Variants in CBFA2T3 observed in about 807,000 individuals in gnomAD.
CBFA2T3 encodes the protein CBFA2/RUNX1 partner transcriptional co-repressor 3.
CBFA2T3 carries 31 observed loss-of-function variants against 58.6 expected under a neutral mutation model. The observed-to-expected ratio is 0.53, with a 90% CI of 0.40 to 0.71. CBFA2T3 has a LOEUF of 0.71. Among genes scored for constraint, CBFA2T3 ranks in the 30% least tolerant of loss-of-function variants. The pLI, the probability that CBFA2T3 is intolerant of heterozygous loss-of-function variation, is 0.00. For missense variants in CBFA2T3, 1,076 were observed against 963.1 expected (o/e 1.12, Z -1.55); for synonymous variants, 531 against 421.9 (o/e 1.26, Z -3.17).
intron 1 of CBFA2T3, among the ~76,000 whole-genome samples, chr16:88,918,787 G>T (rs1039948186): frequency 3.3e-5 from 5 of 152,232 alleles, no homozygotes; most frequent in Non-Finnish European, 2.9e-5. Context: ...ACGGCAGGGG[G>T]TGCCGAGAAC....
intron 1 of CBFA2T3, among the ~76,000 whole-genome samples, chr16:88,949,969 A>G (rs1213309915): frequency 6.6e-6 from 1 of 151,860 alleles, no homozygotes; most frequent in Non-Finnish European, 1.5e-5. Flanking sequence ...AAATGGTGCC[A>G]CTGCACTCCA....
chr16:88,969,812 G>A (rs965129225), intron 1 of CBFA2T3, among the ~76,000 whole-genome samples: 7 of 152,242 alleles, frequency 4.6e-5, no homozygotes, highest in Non-Finnish European at 7.3e-5. Flanking sequence ...ACCCGGTCCA[G>A]TTAGGGTGAG....
intron 11 of CBFA2T3, among the ~76,000 whole-genome samples, chr16:88,877,684 A>C (rs1968891568): frequency 1.4e-5 from 2 of 147,440 alleles, no homozygotes; most frequent in African/African-American, 2.5e-5. Flanking sequence ...CCTCTGCCCC[A>C]CCCCTGCCTC....
intron 1 of CBFA2T3, among the ~76,000 whole-genome samples, chr16:88,905,341 C>G (rs900647444): frequency 6.6e-6 from 1 of 152,112 alleles, no homozygotes; most frequent in South Asian, 2.1e-4. Flanking sequence ...GACCCCCCAC[C>G]GCCCCTCGTT....
rs2550772 is a variant in CBFA2T3 at position 88,894,545 on chromosome 16, T to C, written c.380-2060A>G. Reference sequence around the variant, plus strand: ...TGCATACATATACACATGCACACAATGTACACACATGCACACACACATGCA... The same window carrying C: ...TGCATACATATACACATGCACACAACGTACACACATGCACACACACATGCA... On this transcript the variant is annotated intron_variant, in intron 3 of 11. Coordinates refer to ENST00000268679, the MANE Select transcript of CBFA2T3 (RefSeq NM_005187.6). Among the ~76,000 whole-genome samples the C allele has an allele frequency of 4.3e-3, 516 of 119,870 alleles. 49 individuals are homozygous for C. The highest frequency in any genetic ancestry group is 0.02 in the African/African-American group (470 of 23,444). The allele number at this position is 119,870 out of a possible 152,430, so 78.6% of individuals were successfully genotyped here. A position where few individuals can be genotyped will look rare whatever the true frequency, so the allele number is the denominator to read the frequency against.
At chr16:88,917,659 C>T (rs1355446246) in intron 1 of CBFA2T3, among the ~76,000 whole-genome samples, 1 of 152,180 alleles carries the variant, frequency 6.6e-6, no homozygotes, top group African/African-American at 2.4e-5. Flanking sequence ...CCGGTGTGGA[C>T]GCTAAGGAAT....
Position 88,886,082 on chromosome 16 carries a change from G to T in CBFA2T3, c.772C>A (p.Pro258Thr), listed in dbSNP as rs764018046. 25 of 1,591,460 alleles carry T rather than the reference G, an allele frequency of 1.6e-5. No homozygotes were observed. Among genetic ancestry groups the T allele is most frequent in the Non-Finnish European group, 2.1e-5 (25 of 1,175,518 alleles). Residue 258 changes from proline (P) to threonine (T), a missense_variant, in exon 6 of 12, where the codon CCC (proline) becomes ACC (threonine). By Grantham distance (38) the Pro-to-Thr change is conservative. Transcript: ENST00000268679. ...TCATGCTGGGCCAAGTACTGGGCGG[G>T]CGTCTGCTTGGCCAGGCGTGCACAG... Reference protein sequence around the residue: ...LHCARLAKQTPAQYLAQHEQL... With the variant: ...LHCARLAKQTTAQYLAQHEQL...
chr16:88,893,110 C>T (rs1170234290), intron 3 of CBFA2T3, among the ~76,000 whole-genome samples: 1 of 152,092 alleles, frequency 6.6e-6, no homozygotes, highest in East Asian at 1.9e-4. Context: ...AGGCCAGCTA[C>T]CATCACCTCT....
intron 3 of CBFA2T3, among the ~76,000 whole-genome samples, chr16:88,892,773 C>T (rs999831251): frequency 2.0e-5 from 3 of 152,198 alleles, no homozygotes; most frequent in Non-Finnish European, 4.4e-5. Context: ...GAGGTGAAGC[C>T]TCTTTGCCCC....
chr16:88,879,062 C>CG (rs1567571770), intron 11 of CBFA2T3, among the ~76,000 whole-genome samples: 3 of 152,334 alleles, frequency 2.0e-5, no homozygotes, highest in East Asian at 3.9e-4. Flanking sequence ...AACTACAGAA[C>CG]GGGGACATCC....
At chr16:88,947,429 A>AAT (rs1971931313) in intron 1 of CBFA2T3, among the ~76,000 whole-genome samples, 2 of 152,208 alleles carry the variant, frequency 1.3e-5, no homozygotes, top group Admixed American at 1.3e-4. Context: ...TTTTTATCCT[A>AAT]ATATGTTTTC....
intron 8 of CBFA2T3, among the ~76,000 whole-genome samples, chr16:88,881,949 C>A (rs1213135046): frequency 6.6e-6 from 1 of 152,234 alleles, no homozygotes; most frequent in Admixed American, 6.5e-5. Flanking sequence ...TCCCCGAACA[C>A]GTCCTGCCTC....
chr16:88,961,390 C>T (rs540154263), intron 1 of CBFA2T3, among the ~76,000 whole-genome samples: 1 of 141,896 alleles, frequency 7.0e-6, no homozygotes, highest in Admixed American at 7.0e-5. Context: ...AGCAACTGAC[C>T]CTCAGCGCTG....
intron 1 of CBFA2T3, among the ~76,000 whole-genome samples, chr16:88,947,203 A>G (rs1971925833): frequency 1.3e-5 from 2 of 152,294 alleles, no homozygotes; most frequent in Non-Finnish European, 2.9e-5. Flanking sequence ...AAGAGTAATG[A>G]GAACTCGGCG....
chr16:88,889,825 G>A (rs1969552041), intron 5 of CBFA2T3, among the ~76,000 whole-genome samples: 1 of 138,174 alleles, frequency 7.2e-6, no homozygotes, highest in African/African-American at 2.8e-5. Flanking sequence ...TCAAATCCCT[G>A]GACGATGCCC....
At chr16:88,966,133 G>A (rs1052719218) in intron 1 of CBFA2T3, among the ~76,000 whole-genome samples, 5 of 152,228 alleles carry the variant, frequency 3.3e-5, no homozygotes, top group South Asian at 4.1e-4. Flanking sequence ...GGGCTTTCCC[G>A]GTTTGTGTGG....
intron 2 of CBFA2T3, among the ~76,000 whole-genome samples, chr16:88,901,105 C>T (rs969494241): frequency 3.9e-5 from 6 of 152,258 alleles, no homozygotes; most frequent in East Asian, 3.8e-4. Flanking sequence ...TGACCCCATC[C>T]GAGTTCCACG....
At chr16:88,925,369 C>T (rs78333039) in intron 1 of CBFA2T3, among the ~76,000 whole-genome samples, 16 of 152,302 alleles carry the variant, frequency 1.1e-4, no homozygotes, top group Non-Finnish European at 1.5e-4. Context: ...ATCCACCAGG[C>T]GCTCTCATGC....
At chr16:88,920,245 G>A (rs889478715) in intron 1 of CBFA2T3, among the ~76,000 whole-genome samples, 1 of 152,170 alleles carries the variant, frequency 6.6e-6, no homozygotes, top group Non-Finnish European at 1.5e-5. Flanking sequence ...GTACTTGAAA[G>A]GAAGCCCTAT....
Sources: gnomAD v4.1 joint callset for allele counts (sites outside exome capture counted in the v4.1 genomes callset) on GRCh38, gnomAD v4.1.1 for gene constraint, MANE v1.5 for transcripts, NCBI Gene and HGNC (gene_info 2026-07-23, HGNC 2026-07-21) for gene names.